Variants in TMEM132D observed in about 807,000 individuals in gnomAD.
TMEM132D encodes the protein mature OL transmembrane protein.
In TMEM132D, 21 loss-of-function variants were observed where a neutral mutation model predicts 62.3. The ratio of observed to expected loss-of-function variants is 0.34; its 90% confidence interval spans 0.24 to 0.49. The LOEUF (loss-of-function observed/expected upper bound fraction) is 0.49, where lower values mean the gene tolerates loss of function less well. TMEM132D is among the 20% of genes least tolerant of loss of function. The pLI is 0.99. For missense variants in TMEM132D, 1,346 were observed against 1,402.8 expected (o/e 0.96, Z 0.65); for synonymous variants, 621 against 575.6 (o/e 1.08, Z -1.13).
chr12:129,536,261 C>T (rs1442080859), intron 2 of TMEM132D, among the ~76,000 whole-genome samples: 1 of 152,340 alleles, frequency 6.6e-6, no homozygotes, highest in East Asian at 1.9e-4. Context: ...AAGGGTGCCA[C>T]ACTCCTACGC....
intron 2 of TMEM132D, among the ~76,000 whole-genome samples, chr12:129,642,791 C>T (rs1020977614): frequency 6.6e-6 from 1 of 152,126 alleles, no homozygotes; most frequent in Non-Finnish European, 1.5e-5. Context: ...AAACTCTTCG[C>T]TTGGTGATGG....
chr12:129,720,038 C>T (rs1373911795), intron 1 of TMEM132D, among the ~76,000 whole-genome samples: 2 of 151,942 alleles, frequency 1.3e-5, no homozygotes, highest in African/African-American at 4.8e-5. Context: ...TCTGATAGAA[C>T]CAAGTCTCGG....
intron 3 of TMEM132D, among the ~76,000 whole-genome samples, chr12:129,428,750 A>G (rs1872566841): frequency 6.6e-6 from 1 of 152,218 alleles, no homozygotes; most frequent in Non-Finnish European, 1.5e-5. Context: ...AAGCTGTTTC[A>G]TCACTTAGTC....
At chr12:129,606,849 A>C (rs1228507558) in intron 2 of TMEM132D, among the ~76,000 whole-genome samples, 1 of 152,230 alleles carries the variant, frequency 6.6e-6, no homozygotes, top group African/African-American at 2.4e-5. Context: ...AATGCTTGTT[A>C]TATGATGTAA....
chr12:129,779,833 G>T lies in TMEM132D; in HGVS notation c.80-79135C>A, dbSNP rs1871065122. On this transcript the variant is annotated intron_variant, in intron 1 of 8. Transcript: ENST00000422113. This position sits in a 1 kb window ranked among gnomAD's most constrained non-coding sequence, Gnocchi z 4.1. ...CTATGCCACTTGGGGAAGACAGAGA[G>T]AAATGAACTGAGCTGCGAGGACAAT... Among the ~76,000 whole-genome samples, 1 of 152,168 alleles carries T rather than the reference G, an allele frequency of 6.6e-6. No homozygotes were observed. The highest frequency in any genetic ancestry group is 1.5e-5 in the Non-Finnish European group (1 of 68,040).
intron 4 of TMEM132D, among the ~76,000 whole-genome samples, chr12:129,254,789 A>G (rs541645496): frequency 6.6e-6 from 1 of 152,056 alleles, no homozygotes; most frequent in East Asian, 1.9e-4. Context: ...TTTATATGAT[A>G]TTTCTTTACA....
chr12:129,688,047 A>G (rs757774487), intron 2 of TMEM132D, among the ~76,000 whole-genome samples: 10 of 152,164 alleles, frequency 6.6e-5, no homozygotes, highest in Non-Finnish European at 1.3e-4. Context: ...GACCAAACAC[A>G]TCTGACAGCT....
Position 129,146,988 on chromosome 12 carries a change from T to C in TMEM132D, c.1444-62286A>G, listed in dbSNP as rs535301586. Among the ~76,000 whole-genome samples the C allele has an allele frequency of 1.1e-4, 17 of 152,212 alleles. No homozygotes were observed. In the South Asian group the frequency reaches 1.5e-3, roughly 13 times the overall value. The stretch of plus-strand genomic sequence containing the variant: ...AGATTCAAACCTAGCAATTTGGCTC[T>C]GGAATCCACTTTGTTAAAAAAAGAA... On this transcript the variant is annotated intron_variant, in intron 5 of 8. Coordinates refer to ENST00000422113, the MANE Select transcript of TMEM132D (RefSeq NM_133448.3).
At chr12:129,307,505 T>C (rs1004189253) in intron 4 of TMEM132D, among the ~76,000 whole-genome samples, 2 of 152,182 alleles carry the variant, frequency 1.3e-5, no homozygotes, top group African/African-American at 4.8e-5. Context: ...TCTCAAAATG[T>C]ACATATCCAA....
chr12:129,243,999 G>T (rs1047924824), intron 4 of TMEM132D, among the ~76,000 whole-genome samples: 9 of 152,084 alleles, frequency 5.9e-5, no homozygotes, highest in Non-Finnish European at 7.4e-5. Context: ...AAGTGCGTTT[G>T]GGGGGTTCTG....
intron 1 of TMEM132D, among the ~76,000 whole-genome samples, chr12:129,879,530 G>A (rs550523648): frequency 1.3e-5 from 2 of 152,326 alleles, no homozygotes; most frequent in African/African-American, 4.8e-5. Context: ...GAAGAAACGT[G>A]AGTAATGGCT....
chr12:129,091,912 T>A (rs1874929370), intron 5 of TMEM132D, among the ~76,000 whole-genome samples: 1 of 152,196 alleles, frequency 6.6e-6, no homozygotes, highest in Non-Finnish European at 1.5e-5. Flanking sequence ...TTGCATTAGA[T>A]TGTTAGACAT....
At chr12:129,771,526 G>T (rs113086713) in intron 1 of TMEM132D, among the ~76,000 whole-genome samples, 1 of 151,968 alleles carries the variant, frequency 6.6e-6, no homozygotes, top group Non-Finnish European at 1.5e-5. Flanking sequence ...TGCCACTGCC[G>T]GTTGCCTATT....
rs749445998 is a variant in TMEM132D, at chr12:129,476,814, C to T, written c.1115+54245G>A. On this transcript the variant is annotated intron_variant, in intron 3 of 8. Coordinates refer to ENST00000422113, the MANE Select transcript of TMEM132D (RefSeq NM_133448.3). ...AGGCAAAGTAAGCAAAGCTTAATCT[C>T]GCTTCAATCTCAAATGCCAGGGAAG... is the stretch of plus-strand genomic sequence containing the variant. Among the ~76,000 whole-genome samples, 9 of 152,158 alleles carry T rather than the reference C, an allele frequency of 5.9e-5. 1 individual carries two copies. Among genetic ancestry groups the T allele is most frequent in the Admixed American group, 3.9e-4 (6 of 15,276 alleles).
intron 4 of TMEM132D, among the ~76,000 whole-genome samples, chr12:129,238,996 G>GGTTT (rs374959544): frequency 0.034 from 4,524 of 132,834 alleles, 97 homozygotes; most frequent in South Asian, 0.056. Context: ...GTTATTTTCT[G>GGTTT]TTTTTTTTTT....
intron 4 of TMEM132D, among the ~76,000 whole-genome samples, chr12:129,275,015 C>G (rs1043093468): frequency 6.6e-6 from 1 of 152,178 alleles, no homozygotes; most frequent in Non-Finnish European, 1.5e-5. Context: ...TACAGTGGCT[C>G]AGGCCTGTAA....
intron 5 of TMEM132D, among the ~76,000 whole-genome samples, chr12:129,096,654 T>C (rs929376078): frequency 6.6e-6 from 1 of 152,174 alleles, no homozygotes; most frequent in Non-Finnish European, 1.5e-5. Flanking sequence ...GTGACAGTGC[T>C]TTCTGGAAGA....
intron 1 of TMEM132D, among the ~76,000 whole-genome samples, chr12:129,753,320 A>C (rs1027073119): frequency 6.6e-6 from 1 of 152,226 alleles, no homozygotes; most frequent in Non-Finnish European, 1.5e-5. Flanking sequence ...AAAATTCACA[A>C]ATGCAATGCA....
chr12:129,888,363 T>C (rs1230804216), intron 1 of TMEM132D, among the ~76,000 whole-genome samples: 1 of 152,150 alleles, frequency 6.6e-6, no homozygotes, highest in Non-Finnish European at 1.5e-5. Context: ...TTTGGTTAAA[T>C]ATTAGAGAAA....
Sources: allele counts gnomAD v4.1 joint callset (sites outside exome capture counted in the v4.1 genomes callset), GRCh38; gene constraint gnomAD v4.1.1; non-coding constraint Gnocchi (gnomAD v3.1); transcripts MANE v1.5; gene names NCBI Gene and HGNC (gene_info 2026-07-23, HGNC 2026-07-21).